AHCYL2: variants seen among roughly 807,000 people sequenced by gnomAD.
AHCYL2 encodes S-adenosylhomocysteine hydrolase-like protein 2.
In AHCYL2, 28 loss-of-function variants were observed where a neutral mutation model predicts 81.4. That is an observed-to-expected ratio of 0.34 (90% confidence interval 0.25 to 0.47). AHCYL2 has a LOEUF of 0.47. Among genes scored for constraint, AHCYL2 ranks in the 20% least tolerant of loss-of-function variants. The pLI is 1.00. For missense variants in AHCYL2, 551 were observed against 785.1 expected (o/e 0.70, Z 3.56); for synonymous variants, 272 against 290.2 (o/e 0.94, Z 0.64).
intron 1 of AHCYL2, among the ~76,000 whole-genome samples, chr7:129,293,389 C>A (rs1165151766): frequency 6.6e-6 from 1 of 152,030 alleles, no homozygotes; most frequent in African/African-American, 2.4e-5. Flanking sequence ...TGAAAATGTT[C>A]TAGTAGAAGC....
chr7:129,362,492 G>A (rs1158403580), intron 1 of AHCYL2, among the ~76,000 whole-genome samples: 1 of 151,480 alleles, frequency 6.6e-6, no homozygotes, highest in Admixed American at 6.6e-5. Flanking sequence ...ATTCCAGCCA[G>A]TCTCATACTT....
chr7:129,424,640 T>C, intron 13 of AHCYL2: 1 of 575,952 alleles, frequency 1.7e-6, no homozygotes, highest in African/African-American at 1.9e-5. Context: ...TCTGTATTCC[T>C]TTTTAAATAA....
At chr7:129,243,225 A>G (rs1028186112) in intron 1 of AHCYL2, among the ~76,000 whole-genome samples, 3 of 151,428 alleles carry the variant, frequency 2.0e-5, no homozygotes, top group Admixed American at 6.6e-5. Flanking sequence ...GGGTTTCACC[A>G]TCTTGGCCAG....
chr7:129,415,725 A>T (rs1350798335), intron 12 of AHCYL2, among the ~76,000 whole-genome samples: 1 of 151,934 alleles, frequency 6.6e-6, no homozygotes, highest in Non-Finnish European at 1.5e-5. Flanking sequence ...CCAAGGCGGG[A>T]TGATTACTTG....
At chr7:129,364,552 A>G (rs1434708900) in intron 1 of AHCYL2, among the ~76,000 whole-genome samples, 1 of 152,144 alleles carries the variant, frequency 6.6e-6, no homozygotes, top group African/African-American at 2.4e-5. Flanking sequence ...CGGCCTCCCA[A>G]AGTGCTGGGA....
chr7:129,267,550 C>T (rs1795859035), intron 1 of AHCYL2, among the ~76,000 whole-genome samples: 1 of 152,026 alleles, frequency 6.6e-6, no homozygotes, highest in Non-Finnish European at 1.5e-5. Context: ...AGTCATCTGC[C>T]CACCTTGGCC....
At chr7:129,228,592 T>C (rs915195537) in intron 1 of AHCYL2, among the ~76,000 whole-genome samples, 2 of 152,208 alleles carry the variant, frequency 1.3e-5, no homozygotes, top group Admixed American at 6.5e-5. Context: ...GGGAATGAGG[T>C]AGTACTAGCT....
At chr7:129,401,081 T>A (rs1274056073) in intron 6 of AHCYL2, among the ~76,000 whole-genome samples, 1 of 152,168 alleles carries the variant, frequency 6.6e-6, no homozygotes, top group African/African-American at 2.4e-5. Context: ...CCCAGCACTT[T>A]GGGAGCCCAA....
At chr7:129,347,513 A>C (rs28437865) in intron 1 of AHCYL2, among the ~76,000 whole-genome samples, 7,385 of 152,218 alleles carry the variant, frequency 0.049, 582 homozygotes, top group African/African-American at 0.17. Flanking sequence ...TCAAATAACT[A>C]AGGACTACTG....
At chr7:129,395,236 A>C (rs956677870) in intron 4 of AHCYL2, among the ~76,000 whole-genome samples, 14 of 152,332 alleles carry the variant, frequency 9.2e-5, no homozygotes, top group Admixed American at 2.0e-4. Context: ...TGTGTGCCAC[A>C]GAAGTGTCCT....
chr7:129,279,824 C>T (rs955861772), intron 1 of AHCYL2, among the ~76,000 whole-genome samples: 6 of 152,146 alleles, frequency 3.9e-5, no homozygotes, highest in African/African-American at 9.7e-5. Flanking sequence ...TAAACTGTCA[C>T]GGCACTGGTG....
intron 1 of AHCYL2, among the ~76,000 whole-genome samples, chr7:129,335,672 G>T (rs1274974662): frequency 2.0e-5 from 3 of 152,170 alleles, no homozygotes; most frequent in Non-Finnish European, 4.4e-5. Context: ...GCTGGCAGTT[G>T]ATTTTGGCCA....
intron 1 of AHCYL2, among the ~76,000 whole-genome samples, chr7:129,272,961 G>C (rs551712972): frequency 1.3e-5 from 2 of 152,070 alleles, no homozygotes; most frequent in African/African-American, 4.8e-5. Context: ...TTAGGCTGGA[G>C]TGCAGTGGTG....
chr7:129,262,317 G>A (rs1795669764), intron 1 of AHCYL2, among the ~76,000 whole-genome samples: 1 of 152,212 alleles, frequency 6.6e-6, no homozygotes, highest in Admixed American at 6.5e-5. Context: ...TAAGCTATAG[G>A]AGGAGTCATG....
intron 5 of AHCYL2, among the ~76,000 whole-genome samples, chr7:129,399,749 C>CA (rs532645447): frequency 0.011 from 1,334 of 122,430 alleles, 15 homozygotes; most frequent in South Asian, 0.02. Context: ...TTTTTTGAGA[C>CA]AGAGTCACGC....
chr7:129,375,626 C>T (rs1794644716), intron 1 of AHCYL2: 16 of 1,346,086 alleles, frequency 1.2e-5, no homozygotes, highest in Non-Finnish European at 1.5e-5. Context: ...AAAAGCAAAA[C>T]AGCCACTAGA....
At chr7:129,346,686 G>C (rs1489778711) in intron 1 of AHCYL2, among the ~76,000 whole-genome samples, 1 of 152,142 alleles carries the variant, frequency 6.6e-6, no homozygotes, top group Non-Finnish European at 1.5e-5. Context: ...TCGTTGGTGG[G>C]TATGCAATAT....
intron 1 of AHCYL2, among the ~76,000 whole-genome samples, chr7:129,318,820 G>A (rs1797915043): frequency 6.6e-6 from 1 of 151,920 alleles, no homozygotes; most frequent in Admixed American, 6.6e-5. Flanking sequence ...AGTTTTGGGG[G>A]AACAGGTGGT....
chr7:129,321,229 A>T (rs1389912762), intron 1 of AHCYL2, among the ~76,000 whole-genome samples: 2 of 152,324 alleles, frequency 1.3e-5, no homozygotes, highest in East Asian at 3.9e-4. Flanking sequence ...AATACACAGA[A>T]GATTCTTGTT....
Sources: gnomAD v4.1 joint callset for allele counts (sites outside exome capture counted in the v4.1 genomes callset) on GRCh38, gnomAD v4.1.1 for gene constraint, MANE v1.5 for transcripts, NCBI Gene and HGNC (gene_info 2026-07-23, HGNC 2026-07-21) for gene names.